The following DNER variants were observed in gnomAD, a reference collection of about 807,000 sequenced individuals.
DNER encodes delta/notch like EGF repeat containing.
DNER carries 33 observed loss-of-function variants against 78.2 expected under a neutral mutation model. That is an observed-to-expected ratio of 0.42 (90% CI 0.32 to 0.56). DNER has a LOEUF of 0.56. Ranked by LOEUF, DNER falls within the 20% of genes least tolerant of loss-of-function variation. DNER has a pLI of 0.11. For missense variants in DNER, 918 were observed against 975.3 expected, an observed-to-expected ratio of 0.94 and a Z score of 0.78; for synonymous variants, 417 against 384.8, an observed-to-expected ratio of 1.08 and a Z score of -0.98.
intron 1 of DNER, among the ~76,000 whole-genome samples, chr2:229,674,575 G>A (rs1480740665): frequency 6.6e-6 from 1 of 152,106 alleles, no homozygotes; most frequent in Non-Finnish European, 1.5e-5. Context: ...CACTGCGCCT[G>A]GCCCCTTGTT....
intron 8 of DNER, among the ~76,000 whole-genome samples, chr2:229,439,579 G>T (rs946103854): frequency 4.6e-5 from 7 of 152,352 alleles, no homozygotes; most frequent in African/African-American, 1.4e-4. Context: ...AGGCATGCAG[G>T]ATTTCAGTTC....
chr2:229,472,470 T>C (rs1290153095), intron 7 of DNER, among the ~76,000 whole-genome samples: 1 of 152,164 alleles, frequency 6.6e-6, no homozygotes, highest in Non-Finnish European at 1.5e-5. Flanking sequence ...GGAAGGGAGA[T>C]GGAATTAAGA....
chr2:229,416,360 G>A (rs189664592), intron 9 of DNER, among the ~76,000 whole-genome samples: 17 of 152,166 alleles, frequency 1.1e-4, no homozygotes, highest in East Asian at 3.9e-4. Flanking sequence ...AGTTGCTGGC[G>A]TGGGCTAGTG....
At chr2:229,544,833 C>A (rs558022198) in intron 5 of DNER, among the ~76,000 whole-genome samples, 1 of 152,222 alleles carries the variant, frequency 6.6e-6, no homozygotes, top group East Asian at 1.9e-4. Flanking sequence ...TGCACCTGGC[C>A]GGAAAATGCT....
chr2:229,634,830 C>T (rs1229635080), intron 1 of DNER, among the ~76,000 whole-genome samples: 2 of 152,130 alleles, frequency 1.3e-5, no homozygotes, highest in East Asian at 3.9e-4. Flanking sequence ...TTCACAGCAC[C>T]CGGCCACTTG....
In DNER at chr2:229,383,918, CAT is replaced by C. The variant is rs1450009917; in HGVS notation, c.1855+4345_1855+4346del. Among the ~76,000 whole-genome samples, 10 of 152,294 alleles carry C rather than the reference CAT, an allele frequency of 6.6e-5. No homozygotes were observed. The East Asian group carries it at 1.9e-3, about 29-fold the overall frequency. On this transcript the variant is annotated intron_variant, in intron 11 of 12. Transcript: ENST00000341772. ...CTCTGGACCAAGCAGACCTAATAGA[CAT>C]CTACAGAACTCTCCACTCCAAATCA...
intron 7 of DNER, among the ~76,000 whole-genome samples, chr2:229,452,643 T>C (rs1574849605): frequency 6.6e-6 from 1 of 152,304 alleles, no homozygotes; most frequent in East Asian, 1.9e-4. Context: ...TTTATTTATT[T>C]TTTGAGATGG....
chr2:229,494,171 C>T (rs1469261640), intron 6 of DNER, among the ~76,000 whole-genome samples: 2 of 152,194 alleles, frequency 1.3e-5, no homozygotes, highest in Non-Finnish European at 2.9e-5. Flanking sequence ...TCTTCTCATA[C>T]ACACAAAATA....
chr2:229,695,937 T>C (rs531196282), intron 1 of DNER, among the ~76,000 whole-genome samples: 1 of 152,302 alleles, frequency 6.6e-6, no homozygotes, highest in South Asian at 2.1e-4. Flanking sequence ...TTTCTTTGTT[T>C]GTTTGTTTGC....
At chr2:229,475,300 G>GC (rs1228161316) in intron 7 of DNER, among the ~76,000 whole-genome samples, 1 of 152,114 alleles carries the variant, frequency 6.6e-6, no homozygotes, top group Non-Finnish European at 1.5e-5. Context: ...AAGATGAAAG[G>GC]CCTTGCGGGG....
chr2:229,389,452 G>A (rs207668), intron 10 of DNER, among the ~76,000 whole-genome samples: 4,289 of 151,946 alleles, frequency 0.028, 201 homozygotes, highest in African/African-American at 0.098. Flanking sequence ...GTTTGAAAAC[G>A]AGAAAAAGAA....
intron 5 of DNER, among the ~76,000 whole-genome samples, chr2:229,516,027 G>C (rs1695964103): frequency 6.6e-6 from 1 of 152,166 alleles, no homozygotes; most frequent in South Asian, 2.1e-4. Context: ...AACCTTGAAA[G>C]AAACCTGAAG....
At chr2:229,685,669 G>A (rs1168038807) in intron 1 of DNER, among the ~76,000 whole-genome samples, 1 of 152,176 alleles carries the variant, frequency 6.6e-6, no homozygotes, top group Non-Finnish European at 1.5e-5. Flanking sequence ...GCAAATGTCA[G>A]TTAGCATGTT....
At chr2:229,557,419 G>A (rs139924683) in intron 4 of DNER, among the ~76,000 whole-genome samples, 7 of 152,292 alleles carry the variant, frequency 4.6e-5, no homozygotes, top group South Asian at 2.1e-4. Flanking sequence ...GATCAGAGAC[G>A]AAAACCAGTA....
intron 7 of DNER, among the ~76,000 whole-genome samples, chr2:229,454,836 A>G (rs1328145894): frequency 6.6e-6 from 1 of 152,220 alleles, no homozygotes. Flanking sequence ...CTCAGTATAT[A>G]CTGAGGAGAG....
In DNER at chr2:229,407,371, T is replaced by C. The variant is rs779523743; in HGVS notation, c.1610-26A>G. On this transcript the variant is annotated intron_variant, in intron 9 of 12. Transcript: ENST00000341772. The stretch of plus-strand genomic sequence containing the variant: ...CTGCAGAGAAACAAGCAAAACAGGA[T>C]GACTCATCCAGGACTCTCTGGCTCC... 1.9e-6 allele frequency: 3 copies of C among 1,603,644 alleles called. No homozygotes were observed. The South Asian group carries it at 3.3e-5, about 18-fold the overall frequency.
chr2:229,605,284 G>A (rs993521916), intron 1 of DNER, among the ~76,000 whole-genome samples: 1 of 152,150 alleles, frequency 6.6e-6, no homozygotes, highest in African/African-American at 2.4e-5. Flanking sequence ...AGGAAGCAAA[G>A]GGATGAGGGC....
intron 1 of DNER, among the ~76,000 whole-genome samples, chr2:229,656,982 C>T (rs1284756099): frequency 7.7e-5 from 3 of 38,866 alleles, no homozygotes; most frequent in African/African-American, 3.2e-4. Flanking sequence ...ATCACAGTTA[C>T]CACGTGTGTG....
chr2:229,540,679 C>G (rs1696494355), intron 5 of DNER, among the ~76,000 whole-genome samples: 1 of 152,280 alleles, frequency 6.6e-6, no homozygotes, highest in Admixed American at 6.5e-5. Context: ...AGAGCTTGAG[C>G]CTTCAAATTC....
Sources: allele counts gnomAD v4.1 joint callset (sites outside exome capture counted in the v4.1 genomes callset), GRCh38; gene constraint gnomAD v4.1.1; transcripts MANE v1.5; gene names NCBI Gene and HGNC (gene_info 2026-07-23, HGNC 2026-07-21).